PXDNL: variants seen among roughly 807,000 people sequenced by gnomAD.
PXDNL encodes the protein probable oxidoreductase PXDNL.
Under a neutral mutation model 150.8 loss-of-function variants are expected in PXDNL, and 145 were observed. The observed-to-expected ratio is 0.96, with a 90% CI of 0.84 to 1.10. The LOEUF is 1.10. Among genes scored for constraint, PXDNL ranks in the 50% least tolerant of loss-of-function variants. The probability of loss-of-function intolerance (pLI) is 0.00; values close to 1 mark genes in which losing one functional copy is unlikely to be tolerated. For missense variants in PXDNL, 2,087 were observed against 1,873.9 expected, an observed-to-expected ratio of 1.11 and a Z score of -2.10; for synonymous variants, 757 against 725.7, an observed-to-expected ratio of 1.04 and a Z score of -0.69.
intron 17 of PXDNL, among the ~76,000 whole-genome samples, chr8:51,378,661 C>T (rs1807431054): frequency 6.6e-6 from 1 of 151,840 alleles, no homozygotes; most frequent in Non-Finnish European, 1.5e-5. Context: ...TGAGCTGTAA[C>T]ACTCACTGTG....
At chr8:51,671,539 A>G (rs1227851299) in intron 1 of PXDNL, among the ~76,000 whole-genome samples, 2 of 152,124 alleles carry the variant, frequency 1.3e-5, no homozygotes, top group Non-Finnish European at 2.9e-5. Flanking sequence ...CACCACCATC[A>G]TTTTTCAAAT....
At chr8:51,536,867 TAAG>T (rs1812088873) in intron 4 of PXDNL, among the ~76,000 whole-genome samples, 1 of 152,166 alleles carries the variant, frequency 6.6e-6, no homozygotes, top group African/African-American at 2.4e-5. Context: ...AAAAGTAAGT[TAAG>T]AAGATGACAT....
At chr8:51,759,640 TC>T (rs2037140082) in intron 1 of PXDNL, among the ~76,000 whole-genome samples, 1 of 152,174 alleles carries the variant, frequency 6.6e-6, no homozygotes, top group Non-Finnish European at 1.5e-5. Context: ...AGATGACCAT[TC>T]CTTTGTCATG....
At chr8:51,776,588 C>G (rs950959952) in intron 1 of PXDNL, among the ~76,000 whole-genome samples, 3 of 152,104 alleles carry the variant, frequency 2.0e-5, no homozygotes, top group Non-Finnish European at 2.9e-5. Context: ...GCTCCTCTAA[C>G]CCCCTCTTCT....
chr8:51,409,868 G>T (rs1359457693), intron 16 of PXDNL, among the ~76,000 whole-genome samples: 2 of 152,136 alleles, frequency 1.3e-5, no homozygotes, highest in Non-Finnish European at 2.9e-5. Context: ...GATGTTTCCA[G>T]AAGACCCGGG....
At chr8:51,575,237 A>T (rs562375317) in intron 3 of PXDNL, among the ~76,000 whole-genome samples, 1 of 152,146 alleles carries the variant, frequency 6.6e-6, no homozygotes, top group Non-Finnish European at 1.5e-5. Flanking sequence ...GCACCCACTA[A>T]AAAAGCTGCA....
intron 1 of PXDNL, among the ~76,000 whole-genome samples, chr8:51,722,493 C>G (rs2130918742): frequency 6.6e-6 from 1 of 152,284 alleles, no homozygotes; most frequent in East Asian, 1.9e-4. Flanking sequence ...TACCTGGGTC[C>G]TTGTTCAGCA....
At chr8:51,791,499 C>T (rs978831149) in intron 1 of PXDNL, among the ~76,000 whole-genome samples, 2 of 152,162 alleles carry the variant, frequency 1.3e-5, no homozygotes, top group African/African-American at 4.8e-5. Flanking sequence ...CAGAGAGTAC[C>T]CAGGGATTGG....
intron 17 of PXDNL, among the ~76,000 whole-genome samples, chr8:51,400,737 G>A (rs1808223621): frequency 6.6e-6 from 1 of 152,058 alleles, no homozygotes; most frequent in Admixed American, 6.6e-5. Flanking sequence ...TTGAAATTGG[G>A]GTTAAGGTCA....
intron 2 of PXDNL, among the ~76,000 whole-genome samples, chr8:51,640,330 CAT>C (rs1441583493): frequency 6.6e-6 from 1 of 152,162 alleles, no homozygotes; most frequent in Non-Finnish European, 1.5e-5. Flanking sequence ...TCCTATTCAA[CAT>C]AGTGTTGGAA....
rs748750828 is a variant in PXDNL at position 51,320,817 on chromosome 8, C to G, written c.4227G>C (p.Trp1409Cys). Residue 1409 changes from tryptophan (W) to cysteine (C), a missense_variant, in exon 22 of 23, where the codon TGG becomes TGC. Transcript: ENST00000356297. The part of the protein sequence containing the change: ...RGVPRKAEER[W>C]MKEDCTHCIC... ...TGCAGTGAGTGCAGTCTTCTTTCATCCAGCGCTCCTCGGCCTTCCTTGGAA... is the reference window on the plus strand; with the variant it reads ...TGCAGTGAGTGCAGTCTTCTTTCATGCAGCGCTCCTCGGCCTTCCTTGGAA... 9 of 1,613,902 alleles carry G rather than the reference C, an allele frequency of 5.6e-6. No individual in the cohort carries two copies. The highest frequency in any genetic ancestry group is 7.6e-6 in the Non-Finnish European group (9 of 1,179,820).
chr8:51,431,961 T>A (rs576199797), intron 12 of PXDNL, among the ~76,000 whole-genome samples: 96 of 152,356 alleles, frequency 6.3e-4, no homozygotes, highest in African/African-American at 2.2e-3. Flanking sequence ...GCAAATATCT[T>A]CTATTTCTGA....
At chr8:51,492,332 C>G (rs1020204697) in intron 5 of PXDNL, among the ~76,000 whole-genome samples, 2 of 152,100 alleles carry the variant, frequency 1.3e-5, no homozygotes, top group African/African-American at 2.4e-5. Context: ...AGGAACAGCT[C>G]CAGTCTACAG....
intron 1 of PXDNL, among the ~76,000 whole-genome samples, chr8:51,754,034 C>T (rs1336826012): frequency 6.6e-6 from 1 of 152,140 alleles, no homozygotes; most frequent in African/African-American, 2.4e-5. Flanking sequence ...ATTTTGATAA[C>T]AAGCGCCAAG....
At chr8:51,469,058 C>T (rs1312710544) in intron 8 of PXDNL, among the ~76,000 whole-genome samples, 1 of 152,010 alleles carries the variant, frequency 6.6e-6, no homozygotes, top group Non-Finnish European at 1.5e-5. Flanking sequence ...GCAAATACTC[C>T]TGAATAAAGC....
intron 10 of PXDNL, 52 bp from the exon 11 acceptor site, chr8:51,449,170 AGTGCC>A: frequency 1.0e-6 from 1 of 983,450 alleles, no homozygotes; most frequent in Admixed American, 2.6e-5. Flanking sequence ...ACAAATTTTC[AGTGCC>A]AATAGAAAAA....
intron 1 of PXDNL, among the ~76,000 whole-genome samples, chr8:51,668,173 TCTC>T (rs371421053): frequency 4.7e-5 from 4 of 85,886 alleles, no homozygotes; most frequent in Non-Finnish European, 9.0e-5. Context: ...CTTCTCGCTC[TCTC>T]TTTTTTTTTT....
At chr8:51,553,953 C>A (rs1585575380) in intron 4 of PXDNL, among the ~76,000 whole-genome samples, 1 of 151,972 alleles carries the variant, frequency 6.6e-6, no homozygotes, top group Non-Finnish European at 1.5e-5. Context: ...TATACATCCA[C>A]ATTTAAAAGA....
chr8:51,631,512 T>C (rs920465452), intron 2 of PXDNL, among the ~76,000 whole-genome samples: 1 of 152,068 alleles, frequency 6.6e-6, no homozygotes, highest in Admixed American at 6.6e-5. Context: ...AGTGGACCTA[T>C]CCTACAAGAA....
Sources: gnomAD v4.1 joint callset for allele counts (sites outside exome capture counted in the v4.1 genomes callset) on GRCh38, gnomAD v4.1.1 for gene constraint, MANE v1.5 for transcripts, NCBI Gene and HGNC (gene_info 2026-07-23, HGNC 2026-07-21) for gene names.